The following RIMKLB variants were observed in gnomAD, a reference collection of about 807,000 sequenced individuals.
RIMKLB encodes ribosomal modification protein rimK like family member B.
In RIMKLB, 7 loss-of-function variants were observed where a neutral mutation model predicts 32.0. The observed-to-expected ratio is 0.22, with a 90% confidence interval of 0.12 to 0.41. The LOEUF (loss-of-function observed/expected upper bound fraction) is 0.41, where lower values mean the gene tolerates loss of function less well. Among genes scored for constraint, RIMKLB ranks in the 10% least tolerant of loss-of-function variants. The probability of loss-of-function intolerance (pLI) is 1.00; values close to 1 mark genes in which losing one functional copy is unlikely to be tolerated. For synonymous variants in RIMKLB, 172 were observed against 185.1 expected, an observed-to-expected ratio of 0.93 and a Z score of 0.57; for missense variants, 289 against 498.7, an observed-to-expected ratio of 0.58 and a Z score of 4.00.
At chr12:8,673,422 C>A in the RIMKLB span, among the ~76,000 whole-genome samples, 5 of 152,174 alleles carry the variant, frequency 3.3e-5, no homozygotes, top group South Asian at 1.0e-3. Flanking sequence ...GATTATTTTT[C>A]TTGATTTTGT....
chr12:8,781,798 T>C (rs118087203), downstream of RIMKLB, among the ~76,000 whole-genome samples: 72 of 152,108 alleles, frequency 4.7e-4, no homozygotes, highest in East Asian at 0.012. Context: ...TGAATAGAAA[T>C]TAAATGATAC....
At chr12:8,778,184 T>C (rs1029695010), downstream of RIMKLB, among the ~76,000 whole-genome samples, 1 of 152,198 alleles carries the variant, frequency 6.6e-6, no homozygotes, top group Non-Finnish European at 1.5e-5. Flanking sequence ...CACAGTGAGC[T>C]CACAGTATAA....
At chr12:8,684,758 C>T (rs990460893) in intron 1 of RIMKLB, among the ~76,000 whole-genome samples, 1 of 152,092 alleles carries the variant, frequency 6.6e-6, no homozygotes, top group African/African-American at 2.4e-5. Flanking sequence ...GTAGCTGGGA[C>T]TACACGTGCA....
chr12:8,776,085 T>G lies in RIMKLB; in HGVS notation c.*2301T>G, dbSNP rs74061813. Reference sequence around the variant, plus strand: ...GCCATGTGTATTATGACACATACACTTTGAATAGTTACATATCACAAGTAT... The same window carrying G: ...GCCATGTGTATTATGACACATACACGTTGAATAGTTACATATCACAAGTAT... On this transcript the variant is annotated 3_prime_UTR_variant, in exon 6 of 6. Transcript: ENST00000535829. 992 of 984,592 alleles carry G rather than the reference T, an allele frequency of 1.0e-3. 8 individuals carry two copies. In the African/African-American group the frequency reaches 0.016, roughly 16 times the overall value. 61.0% of individuals were successfully genotyped at this position (984,592 alleles called of 1,614,324 possible). A position where few individuals can be genotyped will look rare whatever the true frequency, so the allele number is the denominator to read the frequency against.
chr12:8,774,085 T>C lies in RIMKLB; in HGVS notation c.*301T>C, dbSNP rs746259618. On this transcript the variant is annotated 3_prime_UTR_variant, in exon 6 of 6. Coordinates refer to ENST00000535829, the MANE Select transcript of RIMKLB (RefSeq NM_001297776.2). ...CTCATAGGCCATGAGGAACAAATAC[T>C]TTTTTTTTTTCATGGTCCCTTGCTT... The C allele has an allele frequency of 5.8e-6, 4 of 695,030 alleles. No individual in the cohort carries two copies. The East Asian group carries it at 2.8e-4, about 48-fold the overall frequency. The allele number at this position is 695,030 out of a possible 1,614,324, so 43.1% of individuals were successfully genotyped here.
Position 8,775,232 on chromosome 12 carries a change from ATGTTTT to A in RIMKLB, c.*1454_*1459del. 1.0e-6 allele frequency: 1 copy of A among 985,416 alleles called. No individual in the cohort carries two copies. 61.0% of individuals were successfully genotyped at this position (985,416 alleles called of 1,614,324 possible). A position where few individuals can be genotyped will look rare whatever the true frequency, so the allele number is the denominator to read the frequency against. ...GGATTTGGGATTGGGGGTGGGTTGG[ATGTTTT>A]TGTTTGGGGACTTATTTAGTAGTAT... On this transcript the variant is annotated 3_prime_UTR_variant, in exon 6 of 6. Coordinates refer to ENST00000535829, the MANE Select transcript of RIMKLB (RefSeq NM_001297776.2).
chr12:8,762,710 A>G (rs1173471097), intron 5 of RIMKLB, among the ~76,000 whole-genome samples: 1 of 152,172 alleles, frequency 6.6e-6, no homozygotes, highest in Non-Finnish European at 1.5e-5. Context: ...TGCCTGAATG[A>G]GGTCTGTTAG....
rs1950698671 is a variant in RIMKLB at position 8,775,890 on chromosome 12, A to G, written c.*2106A>G. On this transcript the variant is annotated 3_prime_UTR_variant, in exon 6 of 6. Transcript: ENST00000535829. ...CGCAGGGTAAATGGGGGACTCACAT[A>G]CATATATTAATACCTCTGACTCATT... 5 of 985,202 alleles carry G rather than the reference A, an allele frequency of 5.1e-6. 1 individual carries two copies. Among genetic ancestry groups the G allele is most frequent in the Middle Eastern group, 1.0e-3 (2 of 1,914 alleles). 61.0% of individuals were successfully genotyped at this position (985,202 alleles called of 1,614,324 possible).
intron 1 of RIMKLB, among the ~76,000 whole-genome samples, chr12:8,711,974 A>G (rs1244301211): frequency 6.6e-6 from 1 of 152,192 alleles, no homozygotes; most frequent in African/African-American, 2.4e-5. Context: ...GCAGGTTTGC[A>G]CTGTACCTTT....
intron 2 of RIMKLB, among the ~76,000 whole-genome samples, chr12:8,743,728 T>A (rs1458630161): frequency 3.3e-5 from 5 of 151,886 alleles, no homozygotes; most frequent in Non-Finnish European, 7.3e-5. Context: ...ACACAATACC[T>A]TTTATATCCT....
chr12:8,744,683 T>C (rs1947910766), intron 2 of RIMKLB, among the ~76,000 whole-genome samples: 1 of 151,744 alleles, frequency 6.6e-6, no homozygotes, highest in Admixed American at 6.6e-5. Context: ...TATTTTGAGA[T>C]GGAGTCTCGC....
intron 1 of RIMKLB, among the ~76,000 whole-genome samples, chr12:8,683,514 C>T (rs542789632): frequency 1.3e-5 from 2 of 152,152 alleles, no homozygotes; most frequent in Non-Finnish European, 2.9e-5. Flanking sequence ...ATATAATGTG[C>T]AGCACCTTTC....
exon 8 of RIMKLB, chr12:8,783,041 C>CTGTT (rs1951190044): frequency 6.6e-6 from 1 of 152,164 alleles, no homozygotes; most frequent in South Asian, 2.1e-4. Context: ...TAACTCCAAC[C>CTGTT]TGTTTGATTC....
At chr12:8,684,599 CT>C (rs1292311203) in intron 1 of RIMKLB, among the ~76,000 whole-genome samples, 2 of 151,188 alleles carry the variant, frequency 1.3e-5, no homozygotes, top group African/African-American at 4.9e-5. Flanking sequence ...GATTCTTTTT[CT>C]TTTTTTCATG....
chr12:8,682,803 T>TAAAAAA (rs34405359), intron 1 of RIMKLB, among the ~76,000 whole-genome samples: 1 of 132,424 alleles, frequency 7.6e-6, no homozygotes, highest in Non-Finnish European at 1.6e-5. Flanking sequence ...ATAAATAAAT[T>TAAAAAA]AAAAAAAAAA....
chr12:8,679,602 A>T (rs1942365545), upstream of RIMKLB: 1 of 152,986 alleles, frequency 6.5e-6, no homozygotes, highest in Admixed American at 6.5e-5. Flanking sequence ...TCCATCTGAG[A>T]ACTCAAGCAG....
At chr12:8,777,741 G>T, downstream of RIMKLB, 1 of 1,216,524 alleles carries the variant, frequency 8.2e-7, no homozygotes, top group Non-Finnish European at 1.1e-6. Context: ...CAATAATGCA[G>T]CTGTATAATG....
chr12:8,710,167 A>G (rs1182479822), intron 1 of RIMKLB, among the ~76,000 whole-genome samples: 1 of 144,634 alleles, frequency 6.9e-6, no homozygotes, highest in Non-Finnish European at 1.5e-5. Context: ...TTTTTTTTGT[A>G]TTTTTAGTAG....
intron 2 of RIMKLB, among the ~76,000 whole-genome samples, chr12:8,735,814 C>G (rs1591806640): frequency 6.6e-6 from 1 of 151,748 alleles, no homozygotes; most frequent in Non-Finnish European, 1.5e-5. Context: ...CACTGCAACC[C>G]CTGCCTCCCA....
Sources: gnomAD v4.1 joint callset for allele counts (sites outside exome capture counted in the v4.1 genomes callset) on GRCh38, gnomAD v4.1.1 for gene constraint, MANE v1.5 for transcripts, NCBI Gene and HGNC (gene_info 2026-07-23, HGNC 2026-07-21) for gene names.